Variants in ADH4 observed in about 807,000 individuals in gnomAD.
ADH4 encodes the protein alcohol dehydrogenase 4 (class II), pi polypeptide.
Under a neutral mutation model 35.2 loss-of-function variants are expected in ADH4, and 31 were observed. The observed-to-expected ratio is 0.88, with a 90% confidence interval of 0.66 to 1.19. ADH4 has a LOEUF of 1.19. ADH4 is among the 50% of genes most tolerant of loss of function. ADH4 has a pLI of 0.00. For missense variants in ADH4, 476 were observed against 458.3 expected (o/e 1.04, Z -0.35); for synonymous variants, 171 against 160.2 (o/e 1.07, Z -0.51).
chr4:99,141,682 T>A lies in ADH4; in HGVS notation c.121A>T (p.Ile41Phe). ...GTATGGCACAGAGAGGTAGCAATGATCTACAAGGCAATCACAGACTTTAAT... is the reference window on the plus strand; with the variant it reads ...GTATGGCACAGAGAGGTAGCAATGAACTACAAGGCAATCACAGACTTTAAT... ...PPKAHEVRIQ[I>F]IATSLCHTDA... The change falls in exon 3 of 9, where the codon ATC (isoleucine) becomes TTC (phenylalanine). Residue 41 changes from isoleucine to phenylalanine, a missense_variant and splice_region_variant. Coordinates refer to ENST00000265512, the MANE Select transcript of ADH4 (RefSeq NM_000670.5). 6.2e-7 allele frequency: 1 copy of A among 1,612,948 alleles called. No homozygotes were observed.
chr4:99,131,488 A>G lies in ADH4; in HGVS notation c.843+16T>C. 6.2e-7 allele frequency: 1 copy of G among 1,604,820 alleles called. No individual in the cohort carries two copies. The highest frequency in any genetic ancestry group is 8.5e-7 in the Non-Finnish European group (1 of 1,175,982). On this transcript the variant is annotated intron_variant, in intron 6 of 8. Coordinates refer to ENST00000265512, the MANE Select transcript of ADH4 (RefSeq NM_000670.5). ...GAATACATTGAAAATATGATCCAAG[A>G]ACAAAATATACATACCATGGTTTCA...
chr4:99,142,684 T>G lies in ADH4; in HGVS notation c.115A>C (p.Ile39Leu), dbSNP rs761776327. 1.9e-6 allele frequency: 3 copies of G among 1,572,312 alleles called. No homozygotes were observed. In the East Asian group the frequency reaches 6.9e-5, roughly 36 times the overall value. Residue 39 changes from isoleucine (I) to leucine (L), a missense_variant, in exon 2 of 9, where the codon ATT becomes CTT. By Grantham distance (5) the Ile-to-Leu change is conservative. Transcript: ENST00000265512. ...CAAGGAAAGTCTCCACTTACCTGAA[T>G]GCGAACTTCATGAGCCTTGGGGGGA... Reference protein sequence around the residue: ...VAPPKAHEVRIQIIATSLCHT... With the variant: ...VAPPKAHEVRLQIIATSLCHT...
chr4:99,142,274 C>G (rs1469848375), intron 2 of ADH4, among the ~76,000 whole-genome samples: 3 of 152,168 alleles, frequency 2.0e-5, no homozygotes. Context: ...TACCCAGGAC[C>G]CTTCGGCTGC....
intron 7 of ADH4, 146 bp downstream of exon 7, chr4:99,127,063 T>C: frequency 2.1e-6 from 1 of 478,682 alleles, no homozygotes; most frequent in Non-Finnish European, 3.4e-6. Flanking sequence ...TATAAGTCAT[T>C]AATAGTTTTT....
At chr4:99,129,082 G>C (rs1470091966) in intron 6 of ADH4, among the ~76,000 whole-genome samples, 2 of 151,948 alleles carry the variant, frequency 1.3e-5, no homozygotes, top group Non-Finnish European at 2.9e-5. Flanking sequence ...TTACAGGCAT[G>C]ACCCACTGTG....
chr4:99,127,937 TA>T (rs929893737), intron 6 of ADH4, among the ~76,000 whole-genome samples: 2 of 151,856 alleles, frequency 1.3e-5, no homozygotes, highest in Non-Finnish European at 2.9e-5. Flanking sequence ...GCTAAATGTT[TA>T]AAGTGTCAGG....
intron 2 of ADH4, 66 bp downstream of exon 2, chr4:99,142,613 C>T (rs968553985): frequency 2.9e-6 from 3 of 1,031,976 alleles, no homozygotes; most frequent in African/African-American, 3.3e-5. Flanking sequence ...AGAGGATTGA[C>T]CTGACAGAAG....
chr4:99,134,384 A>ATATG (rs1482442984), intron 5 of ADH4, among the ~76,000 whole-genome samples: 4 of 152,210 alleles, frequency 2.6e-5, no homozygotes, highest in Non-Finnish European at 2.9e-5. Flanking sequence ...TACAGTGTAT[A>ATATG]TATATATCAA....
intron 8 of ADH4, among the ~76,000 whole-genome samples, chr4:99,126,331 G>C (rs1984360): frequency 0.96 from 146,004 of 152,252 alleles, 70,029 homozygotes; most frequent in East Asian, 1. Flanking sequence ...TAGGGAGCAG[G>C]CCCAACTGAG....
chr4:99,139,875 A>G (rs928185988), intron 3 of ADH4, among the ~76,000 whole-genome samples: 1 of 152,248 alleles, frequency 6.6e-6, no homozygotes, highest in African/African-American at 2.4e-5. Flanking sequence ...TATATTGGCC[A>G]GACTCCTTCA....
intron 4 of ADH4, among the ~76,000 whole-genome samples, chr4:99,138,282 A>G (rs890227833): frequency 1.3e-5 from 2 of 152,222 alleles, no homozygotes; most frequent in Non-Finnish European, 2.9e-5. Flanking sequence ...TCTATGAAGC[A>G]GGCATTATTT....
At chr4:99,142,813 A>G (rs1288159280) in intron 1 of ADH4, 33 bp from the exon 2 acceptor site, 1 of 1,526,330 alleles carries the variant, frequency 6.6e-7, no homozygotes, top group Non-Finnish European at 8.9e-7. Flanking sequence ...AGAGGGAGAT[A>G]GAGATAGAGA....
chr4:99,144,162 C>T, intron 1 of ADH4, 43 bp downstream of exon 1: 1 of 1,610,496 alleles, frequency 6.2e-7, no homozygotes, highest in Non-Finnish European at 8.5e-7. Context: ...TACAAGGACA[C>T]AGAAAAGCAC....
At position 99,127,265 on chromosome 4, in the gene ADH4, G is replaced by A. The variant is rs1296067706; in HGVS notation, c.923C>T (p.Thr308Ile). Residue 308 changes from threonine (T) to isoleucine (I), a missense_variant, in exon 7 of 9, where the codon ACT becomes ATT. Physicochemically the swap from Thr to Ile is moderately conservative, Grantham distance 89. Transcript: ENST00000265512. ...GATTATTAGCTCCTCTGGAAAAATA[G>A]TCAATCCTTTGCTACCAGCAGCTAC... ...IGVAAGSKGLTIFPEELIIGR... is the reference protein window; with the variant it reads ...IGVAAGSKGLIIFPEELIIGR... The A allele has an allele frequency of 1.2e-6, 2 of 1,611,970 alleles. No individual in the cohort carries two copies. Among genetic ancestry groups the A allele is most frequent in the East Asian group, 4.5e-5 (2 of 44,796 alleles).
chr4:99,126,146 T>C (rs1729079040), intron 8 of ADH4, among the ~76,000 whole-genome samples: 1 of 152,180 alleles, frequency 6.6e-6, no homozygotes, highest in Non-Finnish European at 1.5e-5. Context: ...AATGAGACAG[T>C]TGGGGCATCC....
chr4:99,128,391 G>A (rs977854482), intron 6 of ADH4, among the ~76,000 whole-genome samples: 6 of 152,126 alleles, frequency 3.9e-5, no homozygotes, highest in Admixed American at 3.3e-4. Context: ...AGCCAAAATC[G>A]TGCCACTGCA....
intron 7 of ADH4, 76 bp downstream of exon 7, chr4:99,127,133 T>C: frequency 8.0e-7 from 1 of 1,249,828 alleles, no homozygotes; most frequent in Non-Finnish European, 1.1e-6. Context: ...TTTATTTCTT[T>C]TCAATAACCT....
intron 8 of ADH4, 143 bp from the exon 9 acceptor site, chr4:99,124,609 C>G (rs544915535): frequency 1.1e-5 from 6 of 562,320 alleles, no homozygotes; most frequent in African/African-American, 2.0e-5. Context: ...TCTTTTATCC[C>G]GTCATCCTCT....
chr4:99,143,216 C>T (rs1276618481), intron 1 of ADH4: 3 of 702,058 alleles, frequency 4.3e-6, no homozygotes, highest in African/African-American at 1.7e-5. Context: ...CTCTGCAACT[C>T]GAAGTGTGGT....
Sources: allele counts gnomAD v4.1 joint callset (sites outside exome capture counted in the v4.1 genomes callset), GRCh38; gene constraint gnomAD v4.1.1; transcripts MANE v1.5; gene names NCBI Gene and HGNC (gene_info 2026-07-23, HGNC 2026-07-21).